The following MCTP1 variants were observed in gnomAD, a reference collection of about 807,000 sequenced individuals.
The protein encoded by MCTP1 is multiple C2 and transmembrane domain containing 1, also known as multiple C2 and transmembrane domain-containing protein 1.
A neutral mutation model predicts 120.6 loss-of-function variants in MCTP1; 69 were observed. The ratio of observed to expected loss-of-function variants is 0.57; its 90% confidence interval spans 0.47 to 0.70. MCTP1 has a LOEUF of 0.70. Ranked by LOEUF, MCTP1 falls within the 30% of genes least tolerant of loss-of-function variation. The probability of loss-of-function intolerance (pLI) is 0.00; values close to 1 mark genes in which losing one functional copy is unlikely to be tolerated. For missense variants in MCTP1, 1,203 were observed against 1,248.8 expected (o/e 0.96, Z 0.55); for synonymous variants, 529 against 493.1 (o/e 1.07, Z -0.96).
At chr5:95,194,237 T>A (rs897200303) in intron 1 of MCTP1, among the ~76,000 whole-genome samples, 5 of 150,492 alleles carry the variant, frequency 3.3e-5, no homozygotes, top group Non-Finnish European at 7.4e-5. Context: ...AGAAAAGAAA[T>A]GAAAAGAAAG....
intron 12 of MCTP1, among the ~76,000 whole-genome samples, chr5:94,885,056 T>A (rs1800955766): frequency 6.6e-6 from 1 of 152,172 alleles, no homozygotes; most frequent in Non-Finnish European, 1.5e-5. Context: ...TTCTATTAAT[T>A]GTAAAATTCT....
intron 17 of MCTP1, among the ~76,000 whole-genome samples, chr5:94,821,013 CA>C (rs1375019012): frequency 2.0e-5 from 3 of 152,166 alleles, no homozygotes; most frequent in African/African-American, 7.2e-5. Context: ...CCAGCACTGT[CA>C]AATAGCTTGC....
chr5:95,179,685 A>G (rs193185521), intron 1 of MCTP1, among the ~76,000 whole-genome samples: 2 of 152,342 alleles, frequency 1.3e-5, no homozygotes, highest in East Asian at 3.9e-4. Flanking sequence ...GGCGCTCTAA[A>G]TCTTGAAACA....
At chr5:94,953,881 GCA>G (rs1821415200) in intron 2 of MCTP1, among the ~76,000 whole-genome samples, 2 of 90,198 alleles carry the variant, frequency 2.2e-5, no homozygotes, top group Non-Finnish European at 4.4e-5. Context: ...AAATATATAT[GCA>G]TATATATACA....
chr5:94,888,813 T>G, intron 12 of MCTP1, 66 bp downstream of exon 12: 1 of 883,268 alleles, frequency 1.1e-6, no homozygotes, highest in Non-Finnish European at 1.8e-6. Context: ...AAAGTTGAAT[T>G]ATTAAATGGT....
At chr5:95,019,346 G>A (rs764148605) in intron 1 of MCTP1, among the ~76,000 whole-genome samples, 14 of 152,048 alleles carry the variant, frequency 9.2e-5, no homozygotes, top group Non-Finnish European at 1.3e-4. Flanking sequence ...TAGTCACCAC[G>A]CTGTGTATTG....
At chr5:94,781,491 A>C (rs1776571212) in intron 18 of MCTP1, among the ~76,000 whole-genome samples, 1 of 152,184 alleles carries the variant, frequency 6.6e-6, no homozygotes, top group African/African-American at 2.4e-5. Context: ...ACCTGGAAGG[A>C]CTTATACCTA....
At chr5:95,072,740 A>AAT (rs764565186) in intron 1 of MCTP1, among the ~76,000 whole-genome samples, 3 of 95,258 alleles carry the variant, frequency 3.1e-5, no homozygotes, top group Non-Finnish European at 5.7e-5. Context: ...CTTAGCAACT[A>AAT]TTTTTTTTTT....
intron 20 of MCTP1, among the ~76,000 whole-genome samples, chr5:94,714,089 A>T (rs1015820003): frequency 7.9e-5 from 12 of 151,908 alleles, no homozygotes; most frequent in African/African-American, 1.5e-4. Flanking sequence ...TACACCTTTT[A>T]AAAAAAATAT....
chr5:95,099,450 A>C (rs1048506133), intron 1 of MCTP1, among the ~76,000 whole-genome samples: 9 of 152,048 alleles, frequency 5.9e-5, no homozygotes, highest in Non-Finnish European at 1.3e-4. Context: ...ACCCCATCAA[A>C]AAGTGGGCGA....
intron 17 of MCTP1, among the ~76,000 whole-genome samples, chr5:94,817,106 CAG>C (rs1214432686): frequency 6.6e-6 from 1 of 152,136 alleles, no homozygotes; most frequent in Admixed American, 6.6e-5. Flanking sequence ...TGTTTTGGCA[CAG>C]CTAAACTGTG....
At chr5:94,993,699 A>C (rs573209961) in intron 2 of MCTP1, among the ~76,000 whole-genome samples, 1 of 152,254 alleles carries the variant, frequency 6.6e-6, no homozygotes, top group East Asian at 1.9e-4. Context: ...ATCCCTCCAC[A>C]GGGGGAGAGT....
At chr5:95,123,951 C>T (rs1032172027) in intron 1 of MCTP1, among the ~76,000 whole-genome samples, 1 of 152,064 alleles carries the variant, frequency 6.6e-6, no homozygotes, top group African/African-American at 2.4e-5. Context: ...GCCTGGCCAA[C>T]AAGCTCTGAT....
At chr5:94,897,514 G>T (rs569662422) in intron 10 of MCTP1, among the ~76,000 whole-genome samples, 1 of 152,152 alleles carries the variant, frequency 6.6e-6, no homozygotes, top group South Asian at 2.1e-4. Context: ...CCACCACCAT[G>T]CTCAGTGGAT....
intron 17 of MCTP1, among the ~76,000 whole-genome samples, chr5:94,822,124 A>G (rs920732214): frequency 1.3e-5 from 2 of 152,148 alleles, no homozygotes; most frequent in East Asian, 1.9e-4. Context: ...GGTTTGTTAC[A>G]TAGGTATACA....
At chr5:95,189,359 A>C (rs531961334) in intron 1 of MCTP1, among the ~76,000 whole-genome samples, 1 of 152,308 alleles carries the variant, frequency 6.6e-6, no homozygotes, top group South Asian at 2.1e-4. Context: ...ATCTTGATTA[A>C]GGTGGTGGTT....
intron 18 of MCTP1, among the ~76,000 whole-genome samples, chr5:94,787,655 C>T (rs1252468300): frequency 2.0e-5 from 3 of 149,594 alleles, no homozygotes; most frequent in Admixed American, 6.7e-5. Context: ...CTCCCTCTGT[C>T]GCCCAGGCTG....
chr5:94,947,571 TATATATAGAGAG>T (rs1360743609), intron 3 of MCTP1, among the ~76,000 whole-genome samples: 4 of 50,160 alleles, frequency 8.0e-5, no homozygotes, highest in East Asian at 1.1e-3. Context: ...TATATATATA[TATATATAGAGAG>T]AGAGAGAGAG....
chr5:95,172,200 C>A (rs1035410760), intron 1 of MCTP1, among the ~76,000 whole-genome samples: 13 of 152,148 alleles, frequency 8.5e-5, no homozygotes, highest in Non-Finnish European at 1.5e-4. Flanking sequence ...TACGTATCAG[C>A]AGTGGAGGCT....
Sources: allele counts gnomAD v4.1 joint callset (sites outside exome capture counted in the v4.1 genomes callset), GRCh38; gene constraint gnomAD v4.1.1; transcripts MANE v1.5; gene names NCBI Gene and HGNC (gene_info 2026-07-23, HGNC 2026-07-21).